RBM33: variants seen among roughly 807,000 people sequenced by gnomAD.
RBM33 encodes the protein RNA-binding protein 33.
RBM33 carries 28 observed loss-of-function variants against 132.6 expected under a neutral mutation model. The observed-to-expected ratio is 0.21, with a 90% CI of 0.16 to 0.29. The LOEUF (loss-of-function observed/expected upper bound fraction) is 0.29. RBM33 is among the 10% of genes least tolerant of loss of function. The pLI, the probability that RBM33 is intolerant of heterozygous loss-of-function variation, is 1.00. For missense variants in RBM33, 1,291 were observed against 1,518.5 expected, an observed-to-expected ratio of 0.85 and a Z score of 2.49; for synonymous variants, 634 against 593.0, an observed-to-expected ratio of 1.07 and a Z score of -1.01.
chr7:155,734,639 T>C (rs1377505564), intron 9 of RBM33, among the ~76,000 whole-genome samples: 1 of 152,186 alleles, frequency 6.6e-6, no homozygotes, highest in East Asian at 1.9e-4. Context: ...CAAATTCTTC[T>C]AATGAATCTT....
chr7:155,675,242 C>T (rs1466453850), intron 3 of RBM33, among the ~76,000 whole-genome samples: 1 of 145,890 alleles, frequency 6.9e-6, no homozygotes, highest in Non-Finnish European at 1.5e-5. Context: ...TGCAGTGAAC[C>T]GAGATCACGC....
At chr7:155,750,307 C>A (rs1801652039) in intron 14 of RBM33, among the ~76,000 whole-genome samples, 1 of 152,050 alleles carries the variant, frequency 6.6e-6, no homozygotes, top group African/African-American at 2.4e-5. Flanking sequence ...ACATAATTCC[C>A]AGAAAAACAA....
intron 9 of RBM33, among the ~76,000 whole-genome samples, chr7:155,728,253 A>AG (rs1800850109): frequency 6.6e-6 from 1 of 152,080 alleles, no homozygotes; most frequent in Non-Finnish European, 1.5e-5. Flanking sequence ...TTTATCTACC[A>AG]TTCAGTTGCT....
At chr7:155,766,806 A>G in intron 16 of RBM33, 151 bp downstream of exon 16, 1 of 738,100 alleles carries the variant, frequency 1.4e-6, no homozygotes. Flanking sequence ...GTGCATACTT[A>G]GTATCAGAAC....
intron 9 of RBM33, among the ~76,000 whole-genome samples, chr7:155,736,643 T>C (rs1051017833): frequency 1.4e-4 from 22 of 152,238 alleles, no homozygotes; most frequent in Non-Finnish European, 2.6e-4. Context: ...ATTTTTTCTG[T>C]AGTAATTTGG....
intron 2 of RBM33, among the ~76,000 whole-genome samples, chr7:155,670,865 T>C (rs755631184): frequency 3.3e-5 from 5 of 152,250 alleles, no homozygotes; most frequent in Non-Finnish European, 7.3e-5. Context: ...TTGATACACT[T>C]ACTTATCTTT....
rs1185807865 is a variant in RBM33, at chr7:155,737,941, A to G, written c.1394-119A>G. On this transcript the variant is annotated intron_variant, in intron 10 of 17. Transcript: ENST00000401878. ...GGCAAAATCTGGAATTGTTTCCAACATTCATAACCTGTCAACACTTGTGAC... is the reference window on the plus strand; with the variant it reads ...GGCAAAATCTGGAATTGTTTCCAACGTTCATAACCTGTCAACACTTGTGAC... 6 of 957,556 alleles carry G rather than the reference A, an allele frequency of 6.3e-6. No homozygotes were observed. In the Admixed American group the frequency reaches 7.7e-5, roughly 12 times the overall value. The allele number at this position is 957,556 out of a possible 1,614,324, so 59.3% of individuals were successfully genotyped here.
chr7:155,661,313 A>G (rs1798643943), intron 1 of RBM33, among the ~76,000 whole-genome samples: 2 of 148,498 alleles, frequency 1.3e-5, no homozygotes, highest in African/African-American at 5.0e-5. Flanking sequence ...TAATTTTTGT[A>G]TTTTTAGTAG....
At chr7:155,692,452 C>G in intron 5 of RBM33, among the ~76,000 whole-genome samples, 1 of 152,184 alleles carries the variant, frequency 6.6e-6, no homozygotes, top group Non-Finnish European at 1.5e-5. Context: ...GTGTCTTCCT[C>G]TGGAGTCAAG....
At chr7:155,712,884 G>A (rs538565519) in intron 8 of RBM33, among the ~76,000 whole-genome samples, 1 of 152,352 alleles carries the variant, frequency 6.6e-6, no homozygotes, top group African/African-American at 2.4e-5. Flanking sequence ...GAGGAATGAC[G>A]TGACCTTGTG....
intron 9 of RBM33, among the ~76,000 whole-genome samples, chr7:155,721,978 C>T (rs1186717682): frequency 6.6e-6 from 1 of 152,138 alleles, no homozygotes; most frequent in Non-Finnish European, 1.5e-5. Flanking sequence ...TTATGTTAGT[C>T]TTTGCACTAG....
At chr7:155,766,997 C>G (rs1260269495) in intron 16 of RBM33, 5 of 274,996 alleles carry the variant, frequency 1.8e-5, no homozygotes, top group Non-Finnish European at 3.4e-5. Flanking sequence ...TTTGTAATAA[C>G]ATTACATTTT....
chr7:155,699,950 G>A (rs1161489425), intron 5 of RBM33, among the ~76,000 whole-genome samples: 1 of 152,106 alleles, frequency 6.6e-6, no homozygotes, highest in Non-Finnish European at 1.5e-5. Context: ...GCTCTCTGTA[G>A]GTACTTATTT....
At chr7:155,706,307 C>G (rs1800110936) in intron 6 of RBM33, among the ~76,000 whole-genome samples, 1 of 152,144 alleles carries the variant, frequency 6.6e-6, no homozygotes. Context: ...GCCTGGGCAA[C>G]ATGGTGAAAC....
intron 13 of RBM33, 123 bp downstream of exon 13, chr7:155,742,229 C>T (rs201876968): frequency 5.0e-5 from 35 of 693,462 alleles, no homozygotes; most frequent in South Asian, 7.1e-5. Context: ...TCACCTGGGT[C>T]TTTTTTTTTT....
chr7:155,665,752 A>T (rs2116892517), intron 2 of RBM33, among the ~76,000 whole-genome samples: 1 of 152,350 alleles, frequency 6.6e-6, no homozygotes, highest in African/African-American at 2.4e-5. Flanking sequence ...ACAATTTAAA[A>T]ATCCACAGTG....
intron 14 of RBM33, among the ~76,000 whole-genome samples, chr7:155,763,149 G>A (rs1222402988): frequency 6.6e-6 from 1 of 152,252 alleles, no homozygotes; most frequent in Admixed American, 6.5e-5. Context: ...TAGAGTAAAT[G>A]CGCTTCTTGG....
chr7:155,711,464 T>C lies in RBM33; in HGVS notation c.1201+9T>C. ...GGTCACGCCTGTTCAAGGTCTGTGT[T>C]TCCTTTTACTATTGTAAAGCATAGA... On this transcript the variant is annotated intron_variant, in intron 8 of 17. Coordinates refer to ENST00000401878, the MANE Select transcript of RBM33 (RefSeq NM_053043.3). The C allele has an allele frequency of 2.1e-6, 3 of 1,401,888 alleles. No individual in the cohort carries two copies. Among genetic ancestry groups the C allele is most frequent in the Non-Finnish European group, 2.8e-6 (3 of 1,071,172 alleles). The allele number at this position is 1,401,888 out of a possible 1,614,324, so 86.8% of individuals were successfully genotyped here.
chr7:155,669,300 T>A (rs1798881120), intron 2 of RBM33, among the ~76,000 whole-genome samples: 2 of 152,184 alleles, frequency 1.3e-5, no homozygotes. Flanking sequence ...TTATTTTTTT[T>A]AAAGATATGA....
Sources: gnomAD v4.1 joint callset for allele counts (sites outside exome capture counted in the v4.1 genomes callset) on GRCh38, gnomAD v4.1.1 for gene constraint, MANE v1.5 for transcripts, NCBI Gene and HGNC (gene_info 2026-07-23, HGNC 2026-07-21) for gene names.